The following MACROD2 variants were observed in gnomAD, a reference collection of about 807,000 sequenced individuals.
MACROD2 encodes the protein ADP-ribose glycohydrolase MACROD2.
MACROD2 carries 36 observed loss-of-function variants against 70.4 expected under a neutral mutation model. That is an observed-to-expected ratio of 0.51 (90% CI 0.39 to 0.68). MACROD2 has a LOEUF of 0.68. Ranked by LOEUF, MACROD2 falls within the 30% of genes least tolerant of loss-of-function variation. The pLI, the probability that MACROD2 is intolerant of heterozygous loss-of-function variation, is 0.00. For synonymous variants in MACROD2, 172 were observed against 178.8 expected (o/e 0.96, Z 0.30); for missense variants, 496 against 538.4 (o/e 0.92, Z 0.78).
intron 5 of MACROD2, among the ~76,000 whole-genome samples, chr20:14,758,444 T>C (rs1476530628): frequency 6.6e-6 from 1 of 152,186 alleles, no homozygotes; most frequent in African/African-American, 2.4e-5. Context: ...CCATACTAAG[T>C]AGCTGGATTC....
At chr20:14,596,271 T>C (rs994517560) in intron 4 of MACROD2, among the ~76,000 whole-genome samples, 6 of 151,540 alleles carry the variant, frequency 4.0e-5, no homozygotes, top group Admixed American at 2.6e-4. Context: ...TTGTATTTTT[T>C]AGTAGAGACG....
intron 5 of MACROD2, among the ~76,000 whole-genome samples, chr20:14,741,031 C>A (rs920270759): frequency 2.6e-5 from 4 of 152,118 alleles, no homozygotes; most frequent in Admixed American, 6.6e-5. Context: ...AGCAAATCAT[C>A]CAGAAATAAT....
intron 4 of MACROD2, among the ~76,000 whole-genome samples, chr20:14,578,426 A>T (rs530872805): frequency 1.3e-4 from 20 of 152,208 alleles, no homozygotes; most frequent in African/African-American, 4.6e-4. Flanking sequence ...CATTTAAGGG[A>T]GGGATTGATA....
chr20:15,189,819 T>A (rs997100477), intron 5 of MACROD2, among the ~76,000 whole-genome samples: 1 of 152,198 alleles, frequency 6.6e-6, no homozygotes, highest in Non-Finnish European at 1.5e-5. Flanking sequence ...CTGAGATCAT[T>A]ACAGTGTTAT....
intron 4 of MACROD2, among the ~76,000 whole-genome samples, chr20:14,613,986 G>A (rs1233991392): frequency 6.6e-6 from 1 of 151,926 alleles, no homozygotes; most frequent in African/African-American, 2.4e-5. Flanking sequence ...GGTTATTGTT[G>A]TTGTTATTAT....
chr20:15,672,022 A>G (rs1372869616), intron 8 of MACROD2, among the ~76,000 whole-genome samples: 1 of 152,158 alleles, frequency 6.6e-6, no homozygotes, highest in Non-Finnish European at 1.5e-5. Context: ...TCTCTGACCC[A>G]CTGTAGCAAA....
At chr20:15,849,602 A>G (rs569541806) in intron 8 of MACROD2, among the ~76,000 whole-genome samples, 1 of 152,180 alleles carries the variant, frequency 6.6e-6, no homozygotes, top group South Asian at 2.1e-4. Context: ...TGGCTTTATA[A>G]AGCACTATCC....
At chr20:15,180,519 A>T (rs169189) in intron 5 of MACROD2, among the ~76,000 whole-genome samples, 142,118 of 152,316 alleles carry the variant, frequency 0.93, 66,426 homozygotes, top group African/African-American at 0.97. Flanking sequence ...TGCAGCTGTT[A>T]GCCTGGAGGA....
intron 3 of MACROD2, among the ~76,000 whole-genome samples, chr20:14,420,974 T>C (rs1484704497): frequency 2.0e-5 from 3 of 152,236 alleles, no homozygotes; most frequent in African/African-American, 7.2e-5. Flanking sequence ...ATTACAGGCA[T>C]GAGCTACTAT....
chr20:15,989,357 C>T lies in MACROD2; in HGVS notation c.1153+2199C>T, dbSNP rs149461632. Reference sequence around the variant, plus strand: ...CAGCAGTTTTGATATGGTCTAAACTCTTTACATTGCTGCGTATTTTATTCT... The same window carrying T: ...CAGCAGTTTTGATATGGTCTAAACTTTTTACATTGCTGCGTATTTTATTCT... On this transcript the variant is annotated intron_variant, in intron 15 of 17. Coordinates refer to ENST00000684519, the MANE Select transcript of MACROD2 (RefSeq NM_001351661.2). Among the ~76,000 whole-genome samples, 156 of 152,228 alleles carry T rather than the reference C, an allele frequency of 1.0e-3. 2 individuals carry two copies. In the East Asian group the frequency reaches 0.025, roughly 25 times the overall value.
chr20:14,203,066 C>G (rs1473781168), intron 3 of MACROD2, among the ~76,000 whole-genome samples: 1 of 150,860 alleles, frequency 6.6e-6, no homozygotes, highest in African/African-American at 2.4e-5. Flanking sequence ...AAAAAAGGCA[C>G]TAACTCTATT....
At chr20:14,445,669 G>T (rs1359434437) in intron 3 of MACROD2, among the ~76,000 whole-genome samples, 1 of 152,056 alleles carries the variant, frequency 6.6e-6, no homozygotes, top group East Asian at 1.9e-4. Flanking sequence ...TGGAAAAATG[G>T]CATTTTCCTG....
At chr20:14,042,638 T>A (rs939251485) in intron 2 of MACROD2, among the ~76,000 whole-genome samples, 3 of 152,226 alleles carry the variant, frequency 2.0e-5, no homozygotes, top group Non-Finnish European at 4.4e-5. Flanking sequence ...TAGCTGGGAA[T>A]ACAAGTACGT....
rs1389134283 is a variant in MACROD2, at chr20:14,119,737, AT to A, written c.271+34010del. On this transcript the variant is annotated intron_variant, in intron 3 of 17. Coordinates refer to ENST00000684519, the MANE Select transcript of MACROD2 (RefSeq NM_001351661.2). ...TCCTTAATGCTACAAAGGAAAGTAA[AT>A]GTACTTATATTTGTTGCCTGACTTA... Among the ~76,000 whole-genome samples, 98 of 152,198 alleles carry A rather than the reference AT, an allele frequency of 6.4e-4. 1 individual carries two copies. The highest frequency in any genetic ancestry group is 6.4e-3 in the Admixed American group (98 of 15,278).
intron 8 of MACROD2, among the ~76,000 whole-genome samples, chr20:15,739,999 T>A (rs2051080308): frequency 6.6e-6 from 1 of 152,214 alleles, no homozygotes; most frequent in Admixed American, 6.5e-5. Flanking sequence ...GTAAACAAAT[T>A]CCTAATTTTA....
chr20:15,952,383 C>G (rs536486544), intron 12 of MACROD2, among the ~76,000 whole-genome samples: 33 of 149,362 alleles, frequency 2.2e-4, no homozygotes, highest in African/African-American at 8.1e-4. Context: ...TCAGGAAAAT[C>G]AGAAACCATT....
At chr20:15,841,859 A>T (rs1485734201) in intron 8 of MACROD2, among the ~76,000 whole-genome samples, 2 of 152,128 alleles carry the variant, frequency 1.3e-5, no homozygotes, top group Non-Finnish European at 2.9e-5. Flanking sequence ...ACCCCTGGAA[A>T]ATAGAGATGC....
chr20:15,622,965 T>C (rs1425013269), intron 8 of MACROD2, among the ~76,000 whole-genome samples: 1 of 152,228 alleles, frequency 6.6e-6, no homozygotes, highest in Non-Finnish European at 1.5e-5. Flanking sequence ...CTGGGGATCT[T>C]GGAACATATC....
intron 13 of MACROD2, among the ~76,000 whole-genome samples, chr20:15,982,920 G>A (rs750182508): frequency 3.3e-5 from 5 of 152,306 alleles, no homozygotes; most frequent in East Asian, 3.9e-4. Context: ...TGGAAACCTC[G>A]TCTAGTTGTT....
Sources: gnomAD v4.1 joint callset for allele counts (sites outside exome capture counted in the v4.1 genomes callset) on GRCh38, gnomAD v4.1.1 for gene constraint, MANE v1.5 for transcripts, NCBI Gene and HGNC (gene_info 2026-07-23, HGNC 2026-07-21) for gene names.